PHF21A: variants seen among roughly 807,000 people sequenced by gnomAD.
The protein encoded by PHF21A is PHD finger protein 21A, also known as BHC80a.
In PHF21A, 11 loss-of-function variants were observed where a neutral mutation model predicts 82.5. The observed-to-expected ratio is 0.13, with a 90% confidence interval of 0.08 to 0.22. The LOEUF is 0.22. Among genes scored for constraint, PHF21A ranks in the 10% least tolerant of loss-of-function variants. The probability of loss-of-function intolerance (pLI) is 1.00; values close to 1 mark genes in which losing one functional copy is unlikely to be tolerated. For missense variants in PHF21A, 579 were observed against 837.8 expected (o/e 0.69, Z 3.81); for synonymous variants, 297 against 302.8 (o/e 0.98, Z 0.20).
chr11:46,027,055 A>C (rs1419074438), intron 6 of PHF21A: 4 of 152,146 alleles, frequency 2.6e-5, no homozygotes, highest in African/African-American at 9.7e-5. Flanking sequence ...CATGCACGCA[A>C]ATCATCATTC....
intron 1 of PHF21A, among the ~76,000 whole-genome samples, chr11:46,101,063 C>T (rs911096322): frequency 1.3e-5 from 2 of 152,180 alleles, no homozygotes; most frequent in Non-Finnish European, 2.9e-5. Flanking sequence ...TATTGTCCTG[C>T]TTATGCTAAG....
chr11:46,104,133 G>T (rs190415992), intron 1 of PHF21A, among the ~76,000 whole-genome samples: 2 of 152,278 alleles, frequency 1.3e-5, no homozygotes, highest in Non-Finnish European at 2.9e-5. Context: ...CCCAAAATCA[G>T]AAAGCAAATA....
At chr11:45,988,593 T>C (rs1237074346) in intron 6 of PHF21A, among the ~76,000 whole-genome samples, 1 of 152,130 alleles carries the variant, frequency 6.6e-6, no homozygotes, top group African/African-American at 2.4e-5. Flanking sequence ...TTTTAAAAGA[T>C]TCTAAAGCTG....
chr11:46,095,380 TCTAA>T (rs1215629420), intron 1 of PHF21A, among the ~76,000 whole-genome samples: 7 of 152,200 alleles, frequency 4.6e-5, no homozygotes, highest in Admixed American at 2.0e-4. Context: ...ATTTCACACT[TCTAA>T]CTAAGGTACT....
intron 6 of PHF21A, among the ~76,000 whole-genome samples, chr11:46,044,722 GA>G (rs909439875): frequency 1.7e-4 from 25 of 151,002 alleles, no homozygotes; most frequent in African/African-American, 6.1e-4. Flanking sequence ...TCCTTTTAAG[GA>G]AAAAAAAATC....
At chr11:46,039,864 A>G (rs2096089556) in intron 6 of PHF21A, among the ~76,000 whole-genome samples, 1 of 152,250 alleles carries the variant, frequency 6.6e-6, no homozygotes, top group Non-Finnish European at 1.5e-5. Flanking sequence ...TGCATGAATG[A>G]AAAATACTGA....
At chr11:46,023,033 G>A (rs756005968) in intron 6 of PHF21A, among the ~76,000 whole-genome samples, 7 of 152,194 alleles carry the variant, frequency 4.6e-5, no homozygotes, top group Non-Finnish European at 8.8e-5. Context: ...TTATGGGCAT[G>A]AGCCACCGCG....
chr11:45,996,483 C>T (rs1185827996), intron 6 of PHF21A, among the ~76,000 whole-genome samples: 1 of 152,108 alleles, frequency 6.6e-6, no homozygotes, highest in African/African-American at 2.4e-5. Flanking sequence ...TGACAGTGGC[C>T]ACATAAATGA....
intron 15 of PHF21A, among the ~76,000 whole-genome samples, chr11:45,939,088 T>A (rs1021706436): frequency 6.6e-6 from 1 of 152,192 alleles, no homozygotes; most frequent in Non-Finnish European, 1.5e-5. Flanking sequence ...TGCCTCAGCC[T>A]CCCAAAGTGC....
intron 17 of PHF21A, 79 bp downstream of exon 17, chr11:45,936,415 G>C: frequency 1.2e-6 from 1 of 824,868 alleles, no homozygotes; most frequent in Non-Finnish European, 2.0e-6. Context: ...ATTCCCTTTT[G>C]AGAATAAAAC....
At chr11:45,946,032 GA>G (rs1434851807) in intron 14 of PHF21A, 29 bp from the exon 15 acceptor site, 10 of 1,614,070 alleles carry the variant, frequency 6.2e-6, no homozygotes, top group Non-Finnish European at 7.6e-6. Flanking sequence ...GAACAAAAGG[GA>G]AAAACGGGGA....
At position 46,056,583 on chromosome 11, in the gene PHF21A, T is replaced by C. The variant is rs1223323950; in HGVS notation, c.153+20171A>G. Among the ~76,000 whole-genome samples, 5 of 152,130 alleles carry C rather than the reference T, an allele frequency of 3.3e-5. No homozygotes were observed. The East Asian group carries it at 7.7e-4, about 23-fold the overall frequency. The stretch of plus-strand genomic sequence containing the variant: ...AGGAGAAATTAACAGCTTCTGTTAA[T>C]ATCAAGAAATCTAAACTCGTTCAAG... On this transcript the variant is annotated intron_variant, in intron 6 of 18. Transcript: ENST00000676320.
intron 6 of PHF21A, among the ~76,000 whole-genome samples, chr11:45,994,196 C>T (rs535040766): frequency 6.6e-6 from 1 of 152,306 alleles, no homozygotes; most frequent in Non-Finnish European, 1.5e-5. Context: ...GGAATGGACA[C>T]TGGCAACATT....
intron 15 of PHF21A, among the ~76,000 whole-genome samples, chr11:45,945,384 CTCAACAGTTTCTGA>C (rs2091141402): frequency 6.6e-6 from 1 of 152,196 alleles, no homozygotes; most frequent in South Asian, 2.1e-4. Context: ...AGAGTTTCTG[CTCAACAGTTTCTGA>C]TCAACAGTTG....
chr11:46,113,824 C>CAAA (rs34398600), intron 1 of PHF21A, among the ~76,000 whole-genome samples: 1 of 77,202 alleles, frequency 1.3e-5, no homozygotes, highest in Non-Finnish European at 3.3e-5. Flanking sequence ...GATTCATTCT[C>CAAA]AAAAAAAAAA....
chr11:46,117,964 A>T (rs2136183655), intron 1 of PHF21A: 1 of 152,350 alleles, frequency 6.6e-6, no homozygotes, highest in Middle Eastern at 3.4e-3. Context: ...CCTGTTGCTT[A>T]GCTGAAGCTA....
At chr11:46,088,109 G>T (rs1248749214) in intron 3 of PHF21A, among the ~76,000 whole-genome samples, 2 of 152,154 alleles carry the variant, frequency 1.3e-5, no homozygotes, top group Non-Finnish European at 2.9e-5. Flanking sequence ...GAATACCACT[G>T]GGAGGCAGTT....
chr11:45,972,653 C>A (rs962871987), intron 7 of PHF21A, among the ~76,000 whole-genome samples: 1 of 152,210 alleles, frequency 6.6e-6, no homozygotes, highest in Non-Finnish European at 1.5e-5. Flanking sequence ...GTGGCTCGTG[C>A]CTGTAATCCC....
At chr11:45,939,723 A>G (rs1249257915) in intron 15 of PHF21A, among the ~76,000 whole-genome samples, 1 of 149,880 alleles carries the variant, frequency 6.7e-6, no homozygotes, top group African/African-American at 2.5e-5. Flanking sequence ...AGAAGGCACC[A>G]TCAGAATAAA....
Sources: allele counts gnomAD v4.1 joint callset (sites outside exome capture counted in the v4.1 genomes callset), GRCh38; gene constraint gnomAD v4.1.1; transcripts MANE v1.5; gene names NCBI Gene and HGNC (gene_info 2026-07-23, HGNC 2026-07-21).